The following DAB1 variants were observed in gnomAD, a reference collection of about 807,000 sequenced individuals.
DAB1 encodes the protein disabled homolog 1.
Under a neutral mutation model 64.6 loss-of-function variants are expected in DAB1, and 15 were observed. That is an observed-to-expected ratio of 0.23 (90% CI 0.16 to 0.36). DAB1 has a LOEUF of 0.36. DAB1 is among the 10% of genes least tolerant of loss of function. The pLI is 1.00. For synonymous variants in DAB1, 235 were observed against 251.9 expected (o/e 0.93, Z 0.64); for missense variants, 596 against 706.7 (o/e 0.84, Z 1.78).
At chr1:57,480,022 C>T (rs972196687) in intron 7 of DAB1, among the ~76,000 whole-genome samples, 5 of 151,584 alleles carry the variant, frequency 3.3e-5, no homozygotes, top group Middle Eastern at 3.4e-3. Flanking sequence ...CATGGTGGCG[C>T]GCGCCTGTAG....
intron 7 of DAB1, among the ~76,000 whole-genome samples, chr1:57,432,058 G>A (rs534174994): frequency 6.6e-6 from 1 of 151,208 alleles, no homozygotes; most frequent in Admixed American, 6.6e-5. Flanking sequence ...GGAGGCGGAG[G>A]TTGCAGTGAG....
intron 7 of DAB1, among the ~76,000 whole-genome samples, chr1:57,471,621 G>T (rs2101208118): frequency 6.6e-6 from 1 of 152,242 alleles, no homozygotes; most frequent in Admixed American, 6.5e-5. Context: ...GTTTTAAAAA[G>T]GGGAGTTTCC....
intron 3 of DAB1, among the ~76,000 whole-genome samples, chr1:58,355,296 C>T (rs1644099320): frequency 1.3e-5 from 2 of 152,184 alleles, no homozygotes; most frequent in South Asian, 4.1e-4. Flanking sequence ...TCAGAGTTTG[C>T]ATGCAATGGC....
chr1:57,888,234 C>T (rs111281914), upstream of DAB1, among the ~76,000 whole-genome samples: 3 of 152,150 alleles, frequency 2.0e-5, no homozygotes, highest in Admixed American at 6.6e-5. Flanking sequence ...AGGCCAACAG[C>T]ATATTTGCCA....
At chr1:57,551,312 G>A (rs762326143) in intron 7 of DAB1, among the ~76,000 whole-genome samples, 10 of 152,108 alleles carry the variant, frequency 6.6e-5, no homozygotes, top group African/African-American at 9.7e-5. Context: ...AAGTATTGCC[G>A]AGGACAGGGG....
chr1:58,299,734 C>T (rs1662078288), intron 4 of DAB1, among the ~76,000 whole-genome samples: 1 of 152,130 alleles, frequency 6.6e-6, no homozygotes, highest in South Asian at 2.1e-4. Flanking sequence ...GAGCAAGAGA[C>T]GAATGAGCAG....
Position 57,520,084 on chromosome 1 carries a change from A to G in DAB1, n.625+129508T>C, listed in dbSNP as rs529104533. Among the ~76,000 whole-genome samples, 48 of 152,316 alleles carry G rather than the reference A, an allele frequency of 3.2e-4. 1 individual carries two copies. The South Asian group carries it at 9.1e-3, about 29-fold the overall frequency. ...CTTTAACAAGTTATTTTACCTCTGG[A>G]ATCTCAGTTTCTTTGCAGGCAATAA... On this transcript the variant is annotated intron_variant and non_coding_transcript_variant, in intron 7 of 20. Transcript: ENST00000485760.
intron 4 of DAB1, among the ~76,000 whole-genome samples, chr1:58,274,902 G>T (rs1192385338): frequency 6.6e-6 from 1 of 151,964 alleles, no homozygotes; most frequent in Non-Finnish European, 1.5e-5. Flanking sequence ...TGCGCCCACT[G>T]TCTGGCACTC....
chr1:57,124,571 T>C lies in DAB1; in HGVS notation c.306+11972A>G, dbSNP rs539491290. Among the ~76,000 whole-genome samples, 594 of 152,340 alleles carry C rather than the reference T, an allele frequency of 3.9e-3. 2 individuals are homozygous for C. The highest frequency in any genetic ancestry group is 6.5e-3 in the Non-Finnish European group (444 of 68,018). On this transcript the variant is annotated intron_variant, in intron 4 of 14. Coordinates refer to ENST00000371236, the MANE Select transcript of DAB1 (RefSeq NM_001365792.1). ...ACATCTCTTAGACATCATGAAAGAT[T>C]CAGATCTCAGGCTTTAGAGTTGCTG...
chr1:57,592,856 G>A (rs1017249807), intron 7 of DAB1, among the ~76,000 whole-genome samples: 2 of 152,100 alleles, frequency 1.3e-5, no homozygotes, highest in Non-Finnish European at 2.9e-5. Flanking sequence ...TCCTCACTCT[G>A]TCTTTCCTCT....
intron 5 of DAB1, among the ~76,000 whole-genome samples, chr1:58,063,490 A>T (rs1557633408): frequency 6.6e-6 from 1 of 152,126 alleles, no homozygotes; most frequent in East Asian, 1.9e-4. Flanking sequence ...CTTGGCACAG[A>T]CTCAGCCTAT....
chr1:58,357,498 G>T (rs904429682), intron 3 of DAB1, among the ~76,000 whole-genome samples: 11 of 152,118 alleles, frequency 7.2e-5, no homozygotes, highest in Non-Finnish European at 1.5e-4. Flanking sequence ...AAAAGAGAAA[G>T]TCCAATAGGC....
chr1:58,255,679 T>C (rs187456517), intron 4 of DAB1, among the ~76,000 whole-genome samples: 38 of 152,314 alleles, frequency 2.5e-4, no homozygotes, highest in African/African-American at 8.9e-4. Flanking sequence ...GAATGAATCT[T>C]GTGGCCAAAC....
At chr1:57,664,912 T>C (rs1273971300) in intron 6 of DAB1, among the ~76,000 whole-genome samples, 1 of 152,040 alleles carries the variant, frequency 6.6e-6, no homozygotes, top group East Asian at 1.9e-4. Context: ...ACATCAAATG[T>C]TGTGAACAGT....
intron 2 of DAB1, among the ~76,000 whole-genome samples, chr1:57,163,898 C>T (rs1387433524): frequency 6.6e-6 from 1 of 152,074 alleles, no homozygotes; most frequent in Non-Finnish European, 1.5e-5. Context: ...CCTTAATATT[C>T]CATTGAAGGC....
intron 5 of DAB1, among the ~76,000 whole-genome samples, chr1:57,896,643 T>A (rs1644396185): frequency 6.6e-6 from 1 of 152,160 alleles, no homozygotes; most frequent in South Asian, 2.1e-4. Flanking sequence ...TCTCTGGGCT[T>A]AAGGTCTCTT....
intron 1 of DAB1, among the ~76,000 whole-genome samples, chr1:57,336,126 A>G (rs1677058638): frequency 6.6e-6 from 1 of 152,144 alleles, no homozygotes; most frequent in Non-Finnish European, 1.5e-5. Context: ...TCATTGCCCA[A>G]TTTTCGAAAT....
intron 6 of DAB1, among the ~76,000 whole-genome samples, chr1:57,720,899 C>T (rs1172409449): frequency 6.6e-6 from 1 of 152,196 alleles, no homozygotes; most frequent in East Asian, 1.9e-4. Context: ...ATTTGAAACA[C>T]ACCTTGTATC....
At chr1:57,504,318 G>A (rs1644320877) in intron 7 of DAB1, among the ~76,000 whole-genome samples, 2 of 152,032 alleles carry the variant, frequency 1.3e-5, no homozygotes, top group Non-Finnish European at 2.9e-5. Flanking sequence ...GATAAGCCTG[G>A]GGCATCCTAA....
Sources: gnomAD v4.1 joint callset for allele counts (sites outside exome capture counted in the v4.1 genomes callset) on GRCh38, gnomAD v4.1.1 for gene constraint, MANE v1.5 for transcripts, NCBI Gene and HGNC (gene_info 2026-07-23, HGNC 2026-07-21) for gene names.